The following DENND1A variants were observed in gnomAD, a reference collection of about 807,000 sequenced individuals.
DENND1A encodes the protein DENN domain-containing protein 1A.
DENND1A carries 51 observed loss-of-function variants against 113.7 expected under a neutral mutation model. That is an observed-to-expected ratio of 0.45 (90% CI 0.36 to 0.57). The LOEUF (loss-of-function observed/expected upper bound fraction) is 0.57. Among genes scored for constraint, DENND1A ranks in the 20% least tolerant of loss-of-function variants. The probability of loss-of-function intolerance (pLI) is 0.00; values close to 1 mark genes in which losing one functional copy is unlikely to be tolerated. For missense variants in DENND1A, 1,258 were observed against 1,395.9 expected (o/e 0.90, Z 1.57); for synonymous variants, 565 against 570.8 (o/e 0.99, Z 0.14).
At chr9:123,666,885 C>T (rs1265296918) in intron 8 of DENND1A, 141 bp downstream of exon 8, 1 of 760,618 alleles carries the variant, frequency 1.3e-6, no homozygotes, top group Non-Finnish European at 2.0e-6. Flanking sequence ...AGTTCTTATA[C>T]TTTTGTTTTT....
chr9:123,545,463 G>GTCTCCTGT (rs2056601364), intron 13 of DENND1A, among the ~76,000 whole-genome samples: 1 of 151,466 alleles, frequency 6.6e-6, no homozygotes, highest in Non-Finnish European at 1.5e-5. Context: ...AAGATCTCCT[G>GTCTCCTGT]TCTCCTGTTC....
At chr9:123,393,750 ATATC>A (rs2042972663) in intron 21 of DENND1A, among the ~76,000 whole-genome samples, 3 of 152,300 alleles carry the variant, frequency 2.0e-5, no homozygotes, top group South Asian at 2.1e-4. Context: ...TTGCAGGTGA[ATATC>A]TACTTAAAAG....
intron 12 of DENND1A, among the ~76,000 whole-genome samples, chr9:123,578,079 G>C (rs76837818): frequency 6.6e-5 from 10 of 152,312 alleles, no homozygotes; most frequent in African/African-American, 2.4e-4. Context: ...GTCTTCAGCA[G>C]GTTTGTCAAT....
chr9:123,490,202 T>C (rs777388121), intron 13 of DENND1A, among the ~76,000 whole-genome samples: 5 of 152,188 alleles, frequency 3.3e-5, no homozygotes, highest in Admixed American at 1.3e-4. Flanking sequence ...GTGTAGGATA[T>C]AGTTCAAACA....
chr9:123,872,687 A>G (rs1846833832), intron 2 of DENND1A, among the ~76,000 whole-genome samples: 1 of 152,190 alleles, frequency 6.6e-6, no homozygotes, highest in Admixed American at 6.5e-5. Context: ...AGACAAATGG[A>G]AAAAAACACA....
intron 3 of DENND1A, among the ~76,000 whole-genome samples, chr9:123,773,744 A>T (rs1350791190): frequency 1.3e-5 from 2 of 152,196 alleles, no homozygotes; most frequent in African/African-American, 4.8e-5. Context: ...AGACACAGAC[A>T]TACACACCCC....
chr9:123,400,465 G>C (rs1396002009), intron 21 of DENND1A: 2 of 152,304 alleles, frequency 1.3e-5, no homozygotes, highest in African/African-American at 4.8e-5. Context: ...AACTTCAGGG[G>C]TGGACTGGCC....
chr9:123,686,119 G>A (rs114965610), intron 5 of DENND1A, among the ~76,000 whole-genome samples: 110 of 152,266 alleles, frequency 7.2e-4, no homozygotes, highest in African/African-American at 2.5e-3. Context: ...CCTCATTTTA[G>A]GGCTAGAGAG....
intron 1 of DENND1A, among the ~76,000 whole-genome samples, chr9:123,916,897 A>G (rs1430902842): frequency 6.6e-6 from 1 of 151,916 alleles, no homozygotes; most frequent in Non-Finnish European, 1.5e-5. Flanking sequence ...AATTATAAAA[A>G]CCTAACTATG....
At chr9:123,633,169 A>T (rs1031508077) in intron 9 of DENND1A, among the ~76,000 whole-genome samples, 1 of 151,952 alleles carries the variant, frequency 6.6e-6, no homozygotes, top group East Asian at 1.9e-4. Flanking sequence ...CGGCCTCCCA[A>T]AGTCTTGGGA....
chr9:123,839,603 T>C (rs1160513517), intron 2 of DENND1A, among the ~76,000 whole-genome samples: 1 of 152,244 alleles, frequency 6.6e-6, no homozygotes, highest in African/African-American at 2.4e-5. Context: ...CACGACACTT[T>C]ATTCCAATTT....
chr9:123,579,039 G>C (rs1325744438), intron 12 of DENND1A, among the ~76,000 whole-genome samples: 2 of 152,194 alleles, frequency 1.3e-5, no homozygotes, highest in Admixed American at 6.5e-5. Flanking sequence ...ACAGTACAGA[G>C]TTTAAAGCAG....
At chr9:123,474,408 T>G (rs1352661601) in intron 13 of DENND1A, among the ~76,000 whole-genome samples, 1 of 152,188 alleles carries the variant, frequency 6.6e-6, no homozygotes, top group Non-Finnish European at 1.5e-5. Flanking sequence ...AGTTTTTGAC[T>G]GGGATAAAAA....
At chr9:123,879,744 C>T (rs1436709350) in intron 1 of DENND1A, among the ~76,000 whole-genome samples, 1 of 152,136 alleles carries the variant, frequency 6.6e-6, no homozygotes, top group Non-Finnish European at 1.5e-5. Flanking sequence ...CAGTATATTC[C>T]AGAATAAAAC....
intron 1 of DENND1A, among the ~76,000 whole-genome samples, chr9:123,897,005 G>C (rs1310928068): frequency 1.3e-5 from 2 of 152,080 alleles, no homozygotes. Flanking sequence ...GAACTTCCCA[G>C]AACTAACAAC....
chr9:123,454,621 G>T (rs1211747282), intron 16 of DENND1A, 118 bp downstream of exon 16: 3 of 1,013,266 alleles, frequency 3.0e-6, no homozygotes, highest in Non-Finnish European at 4.5e-6. Flanking sequence ...ACAAACAAAG[G>T]CATCTCCAGC....
chr9:123,634,826 C>T (rs1436484590), intron 9 of DENND1A, among the ~76,000 whole-genome samples: 1 of 152,176 alleles, frequency 6.6e-6, no homozygotes, highest in African/African-American at 2.4e-5. Context: ...CCTAAGACTC[C>T]AGACAAAACT....
chr9:123,503,088 G>C (rs1368310296), intron 13 of DENND1A, among the ~76,000 whole-genome samples: 1 of 152,064 alleles, frequency 6.6e-6, no homozygotes, highest in African/African-American at 2.4e-5. Context: ...CATTATGTCA[G>C]GTGCTTCACA....
intron 18 of DENND1A, among the ~76,000 whole-genome samples, chr9:123,443,276 C>T (rs1401928694): frequency 2.6e-5 from 4 of 152,200 alleles, no homozygotes; most frequent in African/African-American, 9.7e-5. Flanking sequence ...ATCTTCTCCT[C>T]GGAAGCTCCT....
Sources: gnomAD v4.1 joint callset for allele counts (sites outside exome capture counted in the v4.1 genomes callset) on GRCh38, gnomAD v4.1.1 for gene constraint, MANE v1.5 for transcripts, NCBI Gene and HGNC (gene_info 2026-07-23, HGNC 2026-07-21) for gene names.